Variants in NCF2 observed in about 807,000 individuals in gnomAD.
NCF2 encodes the protein neutrophil cytosolic factor 2.
In NCF2, 45 loss-of-function variants were observed where a neutral mutation model predicts 70.9. That is an observed-to-expected ratio of 0.63 (90% CI 0.50 to 0.81). The LOEUF is 0.81. Ranked by LOEUF, NCF2 falls within the 40% of genes least tolerant of loss-of-function variation. The probability of loss-of-function intolerance (pLI) is 0.00; values close to 1 mark genes in which losing one functional copy is unlikely to be tolerated. For synonymous variants in NCF2, 203 were observed against 233.6 expected (o/e 0.87, Z 1.19); for missense variants, 522 against 631.6 (o/e 0.83, Z 1.86).
rs187214263 is a variant in NCF2 at position 183,572,953 on chromosome 1, G to A, written c.609+232C>T. Among the ~76,000 whole-genome samples the A allele has an allele frequency of 8.5e-5, 13 of 152,284 alleles. 1 individual carries two copies. The highest frequency in any genetic ancestry group is 1.8e-4 in the Non-Finnish European group (12 of 68,028). On this transcript the variant is annotated intron_variant, in intron 5 of 14. Transcript: ENST00000367535. ...CTCAGCATCCTGTGAGTAACCCTGT[G>A]GCTCTCACCCAGGGTCGAGCTGGAA...
chr1:183,583,825 A>G (rs1254145849), intron 2 of NCF2, among the ~76,000 whole-genome samples: 1 of 152,222 alleles, frequency 6.6e-6, no homozygotes, highest in Non-Finnish European at 1.5e-5. Flanking sequence ...TTTGGCCTTT[A>G]TCTTGCAGTC....
intron 1 of NCF2, among the ~76,000 whole-genome samples, chr1:183,588,597 A>T (rs1454754692): frequency 6.6e-6 from 1 of 151,976 alleles, no homozygotes; most frequent in Non-Finnish European, 1.5e-5. Flanking sequence ...AATAAAATTT[A>T]TTGCAAATGA....
At chr1:183,568,465 C>T (rs1327521711) in intron 7 of NCF2, among the ~76,000 whole-genome samples, 2 of 152,032 alleles carry the variant, frequency 1.3e-5, no homozygotes, top group Non-Finnish European at 2.9e-5. Context: ...CACACCTGGC[C>T]AATCACTTTT....
intron 1 of NCF2, among the ~76,000 whole-genome samples, chr1:183,587,691 A>G (rs928195078): frequency 1.3e-5 from 2 of 151,938 alleles, no homozygotes; most frequent in African/African-American, 4.8e-5. Flanking sequence ...TATCACCAAC[A>G]GAAATCTTAG....
intron 14 of NCF2, 124 bp downstream of exon 14, chr1:183,559,972 G>T: frequency 9.5e-7 from 1 of 1,050,832 alleles, no homozygotes; most frequent in Non-Finnish European, 1.4e-6. Context: ...TAGATGCTAG[G>T]AAGGGGGTTG....
upstream of NCF2, among the ~76,000 whole-genome samples, chr1:183,595,660 G>A (rs1673750656): frequency 6.6e-6 from 1 of 152,086 alleles, no homozygotes; most frequent in African/African-American, 2.4e-5. Context: ...CCTTCTTCAA[G>A]GCCAGCAATG....
chr1:183,584,102 G>A (rs1673231939), intron 2 of NCF2, among the ~76,000 whole-genome samples: 2 of 152,146 alleles, frequency 1.3e-5, no homozygotes, highest in Non-Finnish European at 2.9e-5. Context: ...TGGATCTCAG[G>A]TACAGATTCT....
chr1:183,589,711 C>A (rs1290738047), intron 1 of NCF2, among the ~76,000 whole-genome samples: 1 of 152,070 alleles, frequency 6.6e-6, no homozygotes, highest in Non-Finnish European at 1.5e-5. Flanking sequence ...TTTGTAAGTG[C>A]CTCCCTTAAA....
chr1:183,601,586 G>A, the NCF2 span, among the ~76,000 whole-genome samples: 1 of 152,140 alleles, frequency 6.6e-6, no homozygotes, highest in Middle Eastern at 3.2e-3. Flanking sequence ...GGCTGAGCAC[G>A]GTGTGTCATG....
chr1:183,569,234 G>C (rs1174293400), intron 6 of NCF2, 49 bp from the exon 7 acceptor site: 1 of 1,544,168 alleles, frequency 6.5e-7, no homozygotes, highest in Non-Finnish European at 9.0e-7. Context: ...ATGAGGGAAA[G>C]CAGGGGAGAG....
At chr1:183,563,610 A>C in intron 11 of NCF2, 25 bp from the exon 12 acceptor site, 3 of 1,612,044 alleles carry the variant, frequency 1.9e-6, no homozygotes, top group Non-Finnish European at 2.5e-6. Context: ...AACAAAGGGA[A>C]CTCCTGAGTG....
chr1:183,571,265 C>T (rs1672551588), intron 5 of NCF2, among the ~76,000 whole-genome samples: 4 of 151,828 alleles, frequency 2.6e-5, no homozygotes, highest in Admixed American at 1.3e-4. Flanking sequence ...TTACAGGCAC[C>T]CGCCACTGTG....
chr1:183,585,637 A>G (rs1195516473), intron 2 of NCF2, among the ~76,000 whole-genome samples: 1 of 151,570 alleles, frequency 6.6e-6, no homozygotes, highest in Non-Finnish European at 1.5e-5. Context: ...AAAAAAAAAA[A>G]ATTCTTCATT....
chr1:183,575,750 G>GAGA (rs1672775833), intron 3 of NCF2, among the ~76,000 whole-genome samples: 1 of 152,182 alleles, frequency 6.6e-6, no homozygotes, highest in Non-Finnish European at 1.5e-5. Context: ...CAGCCCTAGA[G>GAGA]AGAAGTTCAT....
At chr1:183,583,029 A>G (rs1673184322) in intron 2 of NCF2, among the ~76,000 whole-genome samples, 1 of 152,076 alleles carries the variant, frequency 6.6e-6, no homozygotes, top group African/African-American at 2.4e-5. Flanking sequence ...AGCCTTAAAC[A>G]ATTCCCTTTT....
Position 183,577,470 on chromosome 1 carries a change from C to A in NCF2, c.366+129G>T, listed in dbSNP as rs911925863. On this transcript the variant is annotated intron_variant, in intron 3 of 14. Coordinates refer to ENST00000367535, the MANE Select transcript of NCF2 (RefSeq NM_000433.4). ...TTTTCTTCAAGGAAAATCTGAGTCT[C>A]AAGGCAGAGGAGGCAAAATGGCTTT... 1.2e-5 allele frequency: 9 copies of A among 746,076 alleles called. 1 individual carries two copies. In the South Asian group the frequency reaches 1.3e-4, roughly 11 times the overall value. 46.2% of individuals were successfully genotyped at this position (746,076 alleles called of 1,614,324 possible).
chr1:183,600,919 C>A, the NCF2 span, among the ~76,000 whole-genome samples: 2 of 152,206 alleles, frequency 1.3e-5, no homozygotes, highest in African/African-American at 4.8e-5. Flanking sequence ...GTTCCCCATG[C>A]AGGGATATAT....
intron 5 of NCF2, among the ~76,000 whole-genome samples, chr1:183,572,531 G>A (rs920022637): frequency 6.6e-6 from 1 of 152,186 alleles, no homozygotes; most frequent in African/African-American, 2.4e-5. Context: ...CTAAACATAG[G>A]GCTGTGGAAG....
chr1:183,597,086 TA>T, the NCF2 span, among the ~76,000 whole-genome samples: 1 of 152,218 alleles, frequency 6.6e-6, no homozygotes, highest in South Asian at 2.1e-4. Flanking sequence ...ATCTGAAAAG[TA>T]AAAAAGAAAT....
Sources: allele counts gnomAD v4.1 joint callset (sites outside exome capture counted in the v4.1 genomes callset), GRCh38; gene constraint gnomAD v4.1.1; transcripts MANE v1.5; gene names NCBI Gene and HGNC (gene_info 2026-07-23, HGNC 2026-07-21).